The following JADE1 variants were observed in gnomAD, a reference collection of about 807,000 sequenced individuals.
JADE1 encodes jade family PHD finger 1, also known as protein Jade-1.
In JADE1, 14 loss-of-function variants were observed where a neutral mutation model predicts 81.8. That is an observed-to-expected ratio of 0.17 (90% CI 0.11 to 0.27). The LOEUF is 0.27. Ranked by LOEUF, JADE1 falls within the 10% of genes least tolerant of loss-of-function variation. JADE1 has a pLI of 1.00. For synonymous variants in JADE1, 353 were observed against 391.9 expected, an observed-to-expected ratio of 0.90 and a Z score of 1.17; for missense variants, 690 against 1,047.9, an observed-to-expected ratio of 0.66 and a Z score of 4.71.
intron 10 of JADE1, 22 bp downstream of exon 10, chr4:128,867,995 G>A (rs775291888): frequency 2.2e-6 from 3 of 1,367,550 alleles, no homozygotes; most frequent in East Asian, 2.3e-5. Flanking sequence ...GCCCTGGTAG[G>A]TCAAAGTATA....
In JADE1 at chr4:128,853,902, G is replaced by A. The variant is rs552970427; in HGVS notation, c.696+1634G>A. Among the ~76,000 whole-genome samples the A allele has an allele frequency of 5.9e-5, 9 of 152,230 alleles. No individual in the cohort carries two copies. The East Asian group carries it at 1.4e-3, about 23-fold the overall frequency. On this transcript the variant is annotated intron_variant, in intron 6 of 10. Coordinates refer to ENST00000226319, the MANE Select transcript of JADE1 (RefSeq NM_199320.4). ...ACCTGCGACTCCTGCTTCAGTCATC[G>A]CCGTCTGTTGCTCTGGATCTCACAC...
At chr4:128,864,126 A>C in intron 9 of JADE1, 1 of 981,574 alleles carries the variant, frequency 1.0e-6, no homozygotes, top group Non-Finnish European at 1.2e-6. Flanking sequence ...AAGCCTAAGG[A>C]ACTTTAAAGA....
chr4:128,835,585 C>T (rs17013768), intron 2 of JADE1, among the ~76,000 whole-genome samples: 2,342 of 152,286 alleles, frequency 0.015, 52 homozygotes, highest in African/African-American at 0.048. Context: ...CTCTGCCTTC[C>T]TTCAGCCGGG....
intron 1 of JADE1, chr4:128,811,519 C>T (rs1579071797): frequency 6.6e-6 from 1 of 151,724 alleles, no homozygotes; most frequent in East Asian, 2.0e-4. Flanking sequence ...TAGCCCGCCT[C>T]TGGTGTTTGA....
Position 128,871,432 on chromosome 4 carries a change from C to T in JADE1, c.1699C>T (p.Pro567Ser), listed in dbSNP as rs755377458. 1 of 1,614,184 alleles carries T rather than the reference C, an allele frequency of 6.2e-7. No individual in the cohort carries two copies. Among genetic ancestry groups the T allele is most frequent in the East Asian group, 2.2e-5 (1 of 44,886 alleles). Residue 567 changes from proline (P) to serine (S), a missense_variant, in exon 11 of 11, where the codon CCC becomes TCC. Physicochemically the swap from Pro to Ser is moderately conservative, Grantham distance 74. This residue lies in a region of JADE1 where 86 missense variants were observed against 95.4 expected (regional missense o/e 0.90). Transcript: ENST00000226319. The surrounding 1 kb of genome is among the most constrained non-coding windows in gnomAD (Gnocchi z 4.1). ...CAGTCCTTCTGTTGGCCCTGATGCTCCCAAGATAGAGGACTTGAAGTGGCA... is the reference window on the plus strand; with the variant it reads ...CAGTCCTTCTGTTGGCCCTGATGCTTCCAAGATAGAGGACTTGAAGTGGCA... The part of the protein sequence containing the change: ...FNSPSVGPDA[P>S]KIEDLKWHSA...
intron 1 of JADE1, among the ~76,000 whole-genome samples, chr4:128,824,479 A>G (rs1354635168): frequency 6.6e-6 from 1 of 152,116 alleles, no homozygotes; most frequent in Non-Finnish European, 1.5e-5. Flanking sequence ...ATATAAGACC[A>G]CCTGGTTTCT....
In JADE1 at chr4:128,871,389, A is replaced by G. The variant is rs1732183358; in HGVS notation, c.1656A>G (p.Glu552=). 2 of 1,613,950 alleles carry G rather than the reference A, an allele frequency of 1.2e-6. No individual in the cohort carries two copies. Among genetic ancestry groups the G allele is most frequent in the African/African-American group, 2.7e-5 (2 of 75,052 alleles). Residue 552 remains glutamate, a synonymous_variant, in exon 11 of 11, where the codon GAA becomes GAG. Transcript: ENST00000226319. The surrounding 1 kb of genome is among the most constrained non-coding windows in gnomAD (Gnocchi z 4.1). ...VPSSCSSSSL[E]NMLLFNSPSV... is the part of the protein sequence containing the mutation. ...CTTCCTGCTCCTCCTCCTCACTGGAAAACATGCTTTTGTTTAACAGTCCTT... is the reference window on the plus strand; with the variant it reads ...CTTCCTGCTCCTCCTCCTCACTGGAGAACATGCTTTTGTTTAACAGTCCTT...
chr4:128,810,940 C>G (rs981960872), intron 1 of JADE1, among the ~76,000 whole-genome samples: 1 of 152,132 alleles, frequency 6.6e-6, no homozygotes, highest in Admixed American at 6.5e-5. Flanking sequence ...ACCTTTGGCA[C>G]CATCTGCAAA....
chr4:128,867,185 A>G (rs898195510), intron 9 of JADE1, among the ~76,000 whole-genome samples: 2 of 152,324 alleles, frequency 1.3e-5, no homozygotes, highest in East Asian at 3.9e-4. Context: ...CTAACCAGCA[A>G]ATCATTGGCA....
chr4:128,830,336 C>T (rs947738555), intron 1 of JADE1, among the ~76,000 whole-genome samples: 1 of 150,364 alleles, frequency 6.7e-6, no homozygotes, highest in African/African-American at 2.5e-5. Flanking sequence ...TGAGTTCAAG[C>T]GATTCTCCTG....
rs1732257173 is a variant in JADE1, at chr4:128,872,327, T to TG, written c.*66dup. On this transcript the variant is annotated 3_prime_UTR_variant, in exon 11 of 11. Coordinates refer to ENST00000226319, the MANE Select transcript of JADE1 (RefSeq NM_199320.4). ...TGGGTTTGCTAGAGGAGAGCTCTGA[T>TG]GTGGGGGAGAAGCAGAAACCCATTA... 1 of 1,390,582 alleles carries TG rather than the reference T, an allele frequency of 7.2e-7. No homozygotes were observed. The highest frequency in any genetic ancestry group is 9.9e-7 in the Non-Finnish European group (1 of 1,005,430). 86.1% of individuals were successfully genotyped at this position (1,390,582 alleles called of 1,614,324 possible).
intron 2 of JADE1, among the ~76,000 whole-genome samples, chr4:128,841,122 C>G (rs1334814905): frequency 6.6e-6 from 1 of 152,230 alleles, no homozygotes; most frequent in Non-Finnish European, 1.5e-5. Flanking sequence ...AGCTTCCTGT[C>G]TGAGTGACAA....
chr4:128,854,100 A>T (rs575100419), intron 6 of JADE1, among the ~76,000 whole-genome samples: 2 of 151,686 alleles, frequency 1.3e-5, no homozygotes, highest in East Asian at 1.9e-4. Context: ...CCCATGAAAA[A>T]TTTTTTTGAG....
chr4:128,818,203 G>A (rs980825719), intron 1 of JADE1, among the ~76,000 whole-genome samples: 6 of 151,604 alleles, frequency 4.0e-5, no homozygotes, highest in East Asian at 3.9e-4. Flanking sequence ...TCACTGCAAC[G>A]TCTGTCTCCT....
intron 9 of JADE1, 141 bp from the exon 10 acceptor site, chr4:128,867,715 A>C (rs749723967): frequency 2.0e-6 from 1 of 508,904 alleles, no homozygotes; most frequent in Non-Finnish European, 3.5e-6. Flanking sequence ...GATTGGATAA[A>C]ATGTTTAAAG....
In JADE1 at chr4:128,848,963, G is replaced by GT. The variant is rs763150345; in HGVS notation, c.297-10dup. 13 of 1,611,804 alleles carry GT rather than the reference G, an allele frequency of 8.1e-6. No individual in the cohort carries two copies. The South Asian group carries it at 8.8e-5, about 11-fold the overall frequency. On this transcript the variant is annotated splice_polypyrimidine_tract_variant and intron_variant, in intron 4 of 10. Transcript: ENST00000226319. ...GCTGAAAGGGTAACCTGGCTGCCTTGTTTTTTTATTATCCAGGGTTGTGTC... is the reference window on the plus strand; with the variant it reads ...GCTGAAAGGGTAACCTGGCTGCCTTGTTTTTTTTATTATCCAGGGTTGTGTC...
At chr4:128,861,561 A>T in intron 8 of JADE1, 143 bp from the exon 9 acceptor site, 2 of 950,274 alleles carry the variant, frequency 2.1e-6, no homozygotes, top group Non-Finnish European at 3.2e-6. Context: ...GGGTTAATCC[A>T]CGTACAACTT....
chr4:128,865,178 C>T (rs1201238423), intron 9 of JADE1, among the ~76,000 whole-genome samples: 1 of 152,138 alleles, frequency 6.6e-6, no homozygotes, highest in African/African-American at 2.4e-5. Context: ...ACAAAAGGCA[C>T]GTTCAACTTT....
At chr4:128,864,219 C>G (rs1324395276) in intron 9 of JADE1, 1 of 680,888 alleles carries the variant, frequency 1.5e-6, no homozygotes, top group Non-Finnish European at 1.8e-6. Flanking sequence ...GTGATCTCGG[C>G]TCACTGCAGC....
Sources: gnomAD v4.1 joint callset for allele counts (sites outside exome capture counted in the v4.1 genomes callset) on GRCh38, gnomAD v4.1.1 for gene constraint, gnomAD v4.1.1 regional missense constraint, Gnocchi (gnomAD v3.1) non-coding constraint, MANE v1.5 for transcripts, NCBI Gene and HGNC (gene_info 2026-07-23, HGNC 2026-07-21) for gene names.